GRXCR1: variants seen among roughly 807,000 people sequenced by gnomAD.
GRXCR1 encodes the protein glutaredoxin domain-containing cysteine-rich protein 1.
A neutral mutation model predicts 27.3 loss-of-function variants in GRXCR1; 27 were observed. The ratio of observed to expected loss-of-function variants is 0.99; its 90% CI spans 0.73 to 1.37. GRXCR1 has a LOEUF of 1.37. Among genes scored for constraint, GRXCR1 ranks in the 40% most tolerant of loss-of-function variants. The pLI is 0.00. For missense variants in GRXCR1, 379 were observed against 354.4 expected, an observed-to-expected ratio of 1.07 and a Z score of -0.56; for synonymous variants, 122 against 131.1, an observed-to-expected ratio of 0.93 and a Z score of 0.47.
chr4:42,941,929 T>C (rs914811972), intron 1 of GRXCR1, among the ~76,000 whole-genome samples: 2 of 152,036 alleles, frequency 1.3e-5, no homozygotes, highest in African/African-American at 4.8e-5. Context: ...GAAAGGTCAA[T>C]TTAGGAAACT....
intron 1 of GRXCR1, among the ~76,000 whole-genome samples, chr4:42,917,380 T>C (rs372049882): frequency 6.6e-6 from 1 of 152,136 alleles, no homozygotes; most frequent in South Asian, 2.1e-4. Flanking sequence ...ATGAATGAAA[T>C]TGTTTTGTTG....
intron 1 of GRXCR1, among the ~76,000 whole-genome samples, chr4:42,910,329 T>C (rs575051527): frequency 2.2e-4 from 33 of 152,174 alleles, no homozygotes; most frequent in Non-Finnish European, 3.2e-4. Flanking sequence ...ATGAACCACA[T>C]GGATTTGATC....
At chr4:43,029,483 T>A (rs1450134926) in intron 3 of GRXCR1, among the ~76,000 whole-genome samples, 1 of 152,206 alleles carries the variant, frequency 6.6e-6, no homozygotes, top group Non-Finnish European at 1.5e-5. Flanking sequence ...CATTCTGTAA[T>A]GGCACCTAAT....
intron 2 of GRXCR1, among the ~76,000 whole-genome samples, chr4:43,016,621 G>A (rs1712938158): frequency 9.1e-6 from 1 of 109,850 alleles, no homozygotes; most frequent in Non-Finnish European, 1.8e-5. Flanking sequence ...GTAACGGGAA[G>A]CAGTTGTGTG....
intron 1 of GRXCR1, among the ~76,000 whole-genome samples, chr4:42,931,091 G>A (rs1747294926): frequency 6.6e-6 from 1 of 151,816 alleles, no homozygotes; most frequent in South Asian, 2.1e-4. Context: ...AATGGCACTG[G>A]AAAAGGGTAT....
intron 1 of GRXCR1, among the ~76,000 whole-genome samples, chr4:42,917,082 G>A (rs1248492206): frequency 6.6e-6 from 1 of 152,112 alleles, no homozygotes; most frequent in Non-Finnish European, 1.5e-5. Flanking sequence ...TTAAAAAGAA[G>A]ACTGATATGA....
At chr4:42,959,936 T>C (rs1748094451) in intron 1 of GRXCR1, among the ~76,000 whole-genome samples, 1 of 151,946 alleles carries the variant, frequency 6.6e-6, no homozygotes. Context: ...TTCAACATTC[T>C]TGAGATCCAC....
At position 42,962,963 on chromosome 4, in the gene GRXCR1, C is replaced by A. The variant is rs746781544; in HGVS notation, c.456C>A (p.Thr152=). ...CCTGCCTTCGTGTGGTCCGGACAACCTTTGAAAGATGTGAACTGGTTAGAA... is the reference window on the plus strand; with the variant it reads ...CCTGCCTTCGTGTGGTCCGGACAACATTTGAAAGATGTGAACTGGTTAGAA... ...YTTCLRVVRT[T]FERCELVRKI... The change falls in exon 2 of 4, where the codon ACC becomes ACA. Residue 152 remains threonine, a synonymous_variant. Transcript: ENST00000399770. The A allele has an allele frequency of 6.2e-7, 1 of 1,612,788 alleles. No individual in the cohort carries two copies. Among genetic ancestry groups the A allele is most frequent in the Non-Finnish European group, 8.5e-7 (1 of 1,179,128 alleles).
intron 1 of GRXCR1, among the ~76,000 whole-genome samples, chr4:42,959,150 T>C (rs1408629231): frequency 2.0e-5 from 3 of 151,952 alleles, no homozygotes; most frequent in Non-Finnish European, 4.4e-5. Context: ...TTATTTACAA[T>C]TGCCAAGATA....
At chr4:43,024,617 T>G (rs934740106) in intron 3 of GRXCR1, among the ~76,000 whole-genome samples, 2 of 152,212 alleles carry the variant, frequency 1.3e-5, no homozygotes, top group African/African-American at 4.8e-5. Context: ...AATTATGAGC[T>G]ACAAATTTCC....
chr4:42,936,759 G>A (rs73240025), intron 1 of GRXCR1, among the ~76,000 whole-genome samples: 25,426 of 151,656 alleles, frequency 0.17, 2,424 homozygotes, highest in South Asian at 0.3. Context: ...TTTAAAGAAT[G>A]TTCAGTTGGA....
At chr4:42,920,653 G>A (rs761758892) in intron 1 of GRXCR1, among the ~76,000 whole-genome samples, 13 of 152,034 alleles carry the variant, frequency 8.6e-5, no homozygotes, top group Non-Finnish European at 1.5e-4. Flanking sequence ...GATAACTCTT[G>A]CAGGGTATAA....
intron 1 of GRXCR1, among the ~76,000 whole-genome samples, chr4:42,914,131 C>T (rs761640425): frequency 1.3e-5 from 2 of 152,222 alleles, no homozygotes; most frequent in African/African-American, 4.8e-5. Flanking sequence ...ACAGAAGTCC[C>T]CACTTGGGCA....
intron 1 of GRXCR1, among the ~76,000 whole-genome samples, chr4:42,914,913 G>T (rs1746850981): frequency 1.3e-5 from 2 of 152,194 alleles, no homozygotes; most frequent in East Asian, 3.9e-4. Context: ...TTCTCCCTTT[G>T]CTTGACTCTC....
rs750904274 is a variant in GRXCR1 at position 43,030,458 on chromosome 4, G to A, written c.791G>A (p.Cys264Tyr). The stretch of plus-strand genomic sequence containing the variant: ...AGCAAGATGTCCATGTTTCGAAACT[G>A]CTTCACAGACTCTTTCAAAGCCCTG... The part of the protein sequence containing the change: ...HGSKMSMFRN[C>Y]FTDSFKALKC... Residue 264 changes from cysteine (C) to tyrosine (Y), a missense_variant, in exon 4 of 4, where the codon TGC becomes TAC. By Grantham distance (194) the Cys-to-Tyr change is radical. Transcript: ENST00000399770. 6.2e-7 allele frequency: 1 copy of A among 1,614,058 alleles called. No individual in the cohort carries two copies. Among genetic ancestry groups the A allele is most frequent in the South Asian group, 1.1e-5 (1 of 91,082 alleles).
chr4:42,898,434 G>A (rs1055844866), intron 1 of GRXCR1, among the ~76,000 whole-genome samples: 2 of 146,890 alleles, frequency 1.4e-5, no homozygotes, highest in Admixed American at 6.8e-5. Context: ...GCTTACAGTG[G>A]TTCACTATCT....
chr4:43,001,936 G>A (rs1836888), intron 2 of GRXCR1, among the ~76,000 whole-genome samples: 1 of 148,722 alleles, frequency 6.7e-6, no homozygotes, highest in Non-Finnish European at 1.5e-5. Context: ...TTCAAGGGAA[G>A]ATACTATGCC....
rs376542815 is a variant in GRXCR1 at position 42,901,129 on chromosome 4, T to C, written c.384+7479T>C. On this transcript the variant is annotated intron_variant, in intron 1 of 3. Coordinates refer to ENST00000399770, the MANE Select transcript of GRXCR1 (RefSeq NM_001080476.3). ...CTCCCAGAAATCAAGAACATGGTCA[T>C]TGGCATCCACATTAATCATGCTGGT... Among the ~76,000 whole-genome samples the C allele has an allele frequency of 3.9e-4, 60 of 152,280 alleles. 1 individual carries two copies. In the South Asian group the frequency reaches 0.01, roughly 26 times the overall value.
At chr4:43,022,026 A>T (rs1385488852) in intron 3 of GRXCR1, among the ~76,000 whole-genome samples, 3 of 152,112 alleles carry the variant, frequency 2.0e-5, no homozygotes, top group Non-Finnish European at 4.4e-5. Flanking sequence ...CCTCTTAGCT[A>T]AAAAAGCTGT....
Sources: allele counts gnomAD v4.1 joint callset (sites outside exome capture counted in the v4.1 genomes callset), GRCh38; gene constraint gnomAD v4.1.1; transcripts MANE v1.5; gene names NCBI Gene and HGNC (gene_info 2026-07-23, HGNC 2026-07-21).